SLC39A13: variants seen among roughly 807,000 people sequenced by gnomAD.
SLC39A13 encodes solute carrier family 39 member 13, also known as zinc transporter ZIP13.
Under a neutral mutation model 38.7 loss-of-function variants are expected in SLC39A13, and 18 were observed. The ratio of observed to expected loss-of-function variants is 0.47; its 90% CI spans 0.32 to 0.69. SLC39A13 has a LOEUF of 0.69. Among genes scored for constraint, SLC39A13 ranks in the 30% least tolerant of loss-of-function variants. SLC39A13 has a pLI of 0.03. For missense variants in SLC39A13, 395 were observed against 490.7 expected, an observed-to-expected ratio of 0.80 and a Z score of 1.84; for synonymous variants, 212 against 219.1, an observed-to-expected ratio of 0.97 and a Z score of 0.29.
At position 47,413,517 on chromosome 11, in the gene SLC39A13, C is replaced by T. The variant is rs2096010296; in HGVS notation, c.645+10C>T. ...GGTCCGGAGCATCAAAGTGAGTGGC[C>T]TGCTCAGGGCCCCTGCAGCCGTACT... On this transcript the variant is annotated intron_variant, in intron 5 of 9. Coordinates refer to ENST00000362021, the MANE Select transcript of SLC39A13 (RefSeq NM_001128225.3). The T allele has an allele frequency of 1.2e-6, 2 of 1,614,044 alleles. No individual in the cohort carries two copies. Among genetic ancestry groups the T allele is most frequent in the Non-Finnish European group, 1.7e-6 (2 of 1,179,972 alleles).
At position 47,410,041 on chromosome 11, in the gene SLC39A13, GCGGCCA is replaced by G. The variant is rs1246984258; in HGVS notation, c.-8-45_-8-40del. 1.1e-5 allele frequency: 18 copies of G among 1,608,362 alleles called. No homozygotes were observed. In the East Asian group the frequency reaches 3.1e-4, roughly 28 times the overall value. On this transcript the variant is annotated intron_variant, in intron 1 of 9. Transcript: ENST00000362021. ...GGCGCCACGTTTCCTAAGCAGGTGT[GCGGCCA>G]AGGCTGTAGCTCATATAGGTGGCCT...
chr11:47,410,025 T>A (rs1243255961), intron 1 of SLC39A13, 62 bp from the exon 2 acceptor site: 1 of 1,600,412 alleles, frequency 6.2e-7, no homozygotes, highest in East Asian at 2.2e-5. Flanking sequence ...AGGCGCCACG[T>A]TTCCTAAGCA....
rs2096024285 is a variant in SLC39A13, at chr11:47,415,684, C to T, written c.*321C>T. On this transcript the variant is annotated 3_prime_UTR_variant, in exon 10 of 10. Transcript: ENST00000362021. ...GCAGCGAGGAAGAGCAGCACTGGTC[C>T]CAAGCAGAGGCCTTGCCCTGCTGGG... The T allele has an allele frequency of 2.2e-6, 1 of 448,628 alleles. No homozygotes were observed. Among genetic ancestry groups the T allele is most frequent in the Non-Finnish European group, 4.2e-6 (1 of 240,088 alleles). The allele number at this position is 448,628 out of a possible 1,614,324, so 27.8% of individuals were successfully genotyped here.
intron 6 of SLC39A13, chr11:47,413,939 A>G (rs1222528907): frequency 1.4e-6 from 1 of 703,556 alleles, no homozygotes; most frequent in Middle Eastern, 2.3e-4. Flanking sequence ...GCCTGCTCCT[A>G]GATGCTTCTT....
Position 47,410,414 on chromosome 11 carries a change from G to C in SLC39A13, c.301+19G>C. The C allele has an allele frequency of 6.2e-7, 1 of 1,613,364 alleles. No homozygotes were observed. The highest frequency in any genetic ancestry group is 1.1e-5 in the South Asian group (1 of 91,088). ...TCAGAAGGTAGGTGACTCTCCGGTGGCGCCCAGGGCTGGCCAGGGTGTGGG... is the reference window on the plus strand; with the variant it reads ...TCAGAAGGTAGGTGACTCTCCGGTGCCGCCCAGGGCTGGCCAGGGTGTGGG... On this transcript the variant is annotated intron_variant, in intron 2 of 9. Transcript: ENST00000362021.
At position 47,410,070 on chromosome 11, in the gene SLC39A13, C is replaced by A. The variant is rs754284958; in HGVS notation, c.-8-17C>A. ...CCAAGGCTGTAGCTCATATAGGTGG[C>A]CTTTTGTGTTTTTCAGTACGTGGCA... On this transcript the variant is annotated splice_polypyrimidine_tract_variant and intron_variant, in intron 1 of 9. Transcript: ENST00000362021. 5.6e-6 allele frequency: 9 copies of A among 1,611,682 alleles called. No individual in the cohort carries two copies. In the Admixed American group the frequency reaches 1.3e-4, roughly 24 times the overall value.
intron 1 of SLC39A13, among the ~76,000 whole-genome samples, chr11:47,409,354 C>G (rs1196404917): frequency 1.3e-5 from 2 of 152,246 alleles, no homozygotes; most frequent in African/African-American, 4.8e-5. Flanking sequence ...TCCACCTGCA[C>G]TTTCAGGCTT....
chr11:47,415,703 T>G lies in SLC39A13; in HGVS notation c.*340T>G. ...CTGGTCCCAAGCAGAGGCCTTGCCCTGCTGGGACCCCGGGAGTGAGAGCAG... is the reference window on the plus strand; with the variant it reads ...CTGGTCCCAAGCAGAGGCCTTGCCCGGCTGGGACCCCGGGAGTGAGAGCAG... On this transcript the variant is annotated 3_prime_UTR_variant, in exon 10 of 10. Coordinates refer to ENST00000362021, the MANE Select transcript of SLC39A13 (RefSeq NM_001128225.3). 2.5e-6 allele frequency: 1 copy of G among 405,040 alleles called. No homozygotes were observed. The allele number at this position is 405,040 out of a possible 1,614,324, so 25.1% of individuals were successfully genotyped here.
intron 8 of SLC39A13, 64 bp from the exon 9 acceptor site, chr11:47,414,975 C>T: frequency 1.2e-6 from 2 of 1,607,780 alleles, no homozygotes. Flanking sequence ...AAGGGTGTGG[C>T]TACCGCACTG....
At position 47,412,516 on chromosome 11, in the gene SLC39A13, T is replaced by C. The variant is rs368456191; in HGVS notation, c.537+49T>C. 1.9e-6 allele frequency: 3 copies of C among 1,612,534 alleles called. No individual in the cohort carries two copies. The African/African-American group carries it at 4.0e-5, about 22-fold the overall frequency. On this transcript the variant is annotated intron_variant, in intron 4 of 9. Coordinates refer to ENST00000362021, the MANE Select transcript of SLC39A13 (RefSeq NM_001128225.3). ...GGATATATCAGCCTCTGTTCTGTGG[T>C]AGTGCCCGGGGCCTGGAGGCCCAGG...
intron 4 of SLC39A13, 100 bp from the exon 5 acceptor site, chr11:47,413,300 C>A: frequency 8.0e-7 from 1 of 1,250,960 alleles, no homozygotes; most frequent in Non-Finnish European, 1.2e-6. Context: ...GCCACTGCAC[C>A]CAGCCCCCGT....
intron 6 of SLC39A13, 162 bp from the exon 7 acceptor site, chr11:47,414,263 G>A: frequency 1.3e-6 from 1 of 747,238 alleles, no homozygotes; most frequent in Non-Finnish European, 2.3e-6. Context: ...CTTCGTGAAG[G>A]CAGGTTCCTT....
intron 6 of SLC39A13, 190 bp downstream of exon 6, chr11:47,413,876 G>C (rs1595884651): frequency 1.3e-6 from 1 of 748,030 alleles, no homozygotes; most frequent in South Asian, 1.5e-5. Flanking sequence ...GTCTGTTCCT[G>C]TTCCCAGTAC....
At position 47,415,451 on chromosome 11, in the gene SLC39A13, C is replaced by T. The variant is rs1379713630; in HGVS notation, c.*88C>T. 5 of 1,430,884 alleles carry T rather than the reference C, an allele frequency of 3.5e-6. No individual in the cohort carries two copies. Among genetic ancestry groups the T allele is most frequent in the African/African-American group, 2.8e-5 (2 of 71,386 alleles). 88.6% of individuals were successfully genotyped at this position (1,430,884 alleles called of 1,614,324 possible). A position where few individuals can be genotyped will look rare whatever the true frequency, so the allele number is the denominator to read the frequency against. ...CCGCATATGTGAGAGGCAGAGAGGG[C>T]GAGTGGCTGCGAGAGAGAATGAGCC... On this transcript the variant is annotated 3_prime_UTR_variant, in exon 10 of 10. Coordinates refer to ENST00000362021, the MANE Select transcript of SLC39A13 (RefSeq NM_001128225.3).
At chr11:47,407,622 C>G (rs2095977030), upstream of SLC39A13, 1 of 152,234 alleles carries the variant, frequency 6.6e-6, no homozygotes, top group African/African-American at 2.4e-5. Flanking sequence ...AAGCCAGACT[C>G]CCACTGCTGT....
rs371922603 is a variant in SLC39A13 at position 47,414,922 on chromosome 11, C to A, written c.919+13C>A. The A allele has an allele frequency of 1.2e-6, 2 of 1,610,402 alleles. No homozygotes were observed. The highest frequency in any genetic ancestry group is 1.7e-5 in the Admixed American group (1 of 59,950). On this transcript the variant is annotated intron_variant, in intron 8 of 9. Transcript: ENST00000362021. ...CCCAAGGGAGTAGGTACGGGCGTGG[C>A]GGGTGGTTGTGGCGGGTGGCATCAG...
At chr11:47,414,938 G>T (rs775104314) in intron 8 of SLC39A13, 29 bp downstream of exon 8, 17 of 1,604,672 alleles carry the variant, frequency 1.1e-5, no homozygotes, top group Non-Finnish European at 1.4e-5. Context: ...GTTGTGGCGG[G>T]TGGCATCAGC....
At position 47,415,255 on chromosome 11, in the gene SLC39A13, A is replaced by G. The variant is rs1017506786; in HGVS notation, c.1041-33A>G. On this transcript the variant is annotated intron_variant, in intron 9 of 9. Transcript: ENST00000362021. ...TGGCCGCTGCCTGCTCCCCCTGCCC[A>G]TGCCTCCACCGTGAGCCGTTCCCTC... is the stretch of plus-strand genomic sequence containing the variant. 2.5e-6 allele frequency: 4 copies of G among 1,613,526 alleles called. No individual in the cohort carries two copies. In the African/African-American group the frequency reaches 5.3e-5, roughly 22 times the overall value.
At chr11:47,414,618 A>C (rs1595885914) in intron 7 of SLC39A13, 143 bp downstream of exon 7, 1 of 1,493,480 alleles carries the variant, frequency 6.7e-7, no homozygotes. Flanking sequence ...GGAGCTCCTC[A>C]CCCCAGCAGC....
Sources: gnomAD v4.1 joint callset for allele counts (sites outside exome capture counted in the v4.1 genomes callset) on GRCh38, gnomAD v4.1.1 for gene constraint, MANE v1.5 for transcripts, NCBI Gene and HGNC (gene_info 2026-07-23, HGNC 2026-07-21) for gene names.